LINGO2: variants seen among roughly 807,000 people sequenced by gnomAD.
The protein encoded by LINGO2 is leucine rich repeat and Ig domain containing 2, also known as leucine-rich repeat and immunoglobulin-like domain-containing nogo receptor-interacting protein 2.
In LINGO2, 14 loss-of-function variants were observed where a neutral mutation model predicts 30.6. The ratio of observed to expected loss-of-function variants is 0.46; its 90% CI spans 0.30 to 0.72. LINGO2 has a LOEUF of 0.72. LINGO2 is among the 30% of genes least tolerant of loss of function. The pLI, the probability that LINGO2 is intolerant of heterozygous loss-of-function variation, is 0.07. For missense variants in LINGO2, 729 were observed against 751.7 expected (o/e 0.97, Z 0.35); for synonymous variants, 317 against 288.5 (o/e 1.10, Z -1.00).
At chr9:28,384,329 C>A (rs1283697255) in intron 2 of LINGO2, among the ~76,000 whole-genome samples, 6 of 123,358 alleles carry the variant, frequency 4.9e-5, no homozygotes, top group Non-Finnish European at 1.0e-4. Context: ...ATGTTATGCA[C>A]TATATATATA....
the LINGO2 span, among the ~76,000 whole-genome samples, chr9:29,057,858 A>T: frequency 3.3e-4 from 50 of 152,236 alleles, no homozygotes; most frequent in Middle Eastern, 3.4e-3. Flanking sequence ...ATTAAAATCC[A>T]GGGCATTCGG....
chr9:28,707,759 C>T, the LINGO2 span, among the ~76,000 whole-genome samples: 1 of 151,930 alleles, frequency 6.6e-6, no homozygotes, highest in African/African-American at 2.4e-5. Flanking sequence ...TATTTATTGT[C>T]GGGGTGGTGA....
the LINGO2 span, among the ~76,000 whole-genome samples, chr9:29,071,163 T>C: frequency 8.6e-6 from 1 of 116,656 alleles, no homozygotes; most frequent in Non-Finnish European, 1.7e-5. Flanking sequence ...ATTATTGTAT[T>C]GTATTGTATT....
At chr9:28,788,963 A>AT in the LINGO2 span, among the ~76,000 whole-genome samples, 23 of 152,080 alleles carry the variant, frequency 1.5e-4, no homozygotes, top group South Asian at 2.3e-3. Context: ...GAAGTAAAGT[A>AT]TTTTTTTTCT....
chr9:28,789,494 G>T, the LINGO2 span, among the ~76,000 whole-genome samples: 2 of 152,062 alleles, frequency 1.3e-5, no homozygotes, highest in African/African-American at 4.8e-5. Context: ...TCTATCTCTA[G>T]GAAAGACAGC....
chr9:29,000,696 T>C, the LINGO2 span, among the ~76,000 whole-genome samples: 1 of 151,962 alleles, frequency 6.6e-6, no homozygotes, highest in Non-Finnish European at 1.5e-5. Context: ...GTCACCTTTG[T>C]TTCCCACCAT....
At chr9:28,642,042 C>A (rs1827615769) in intron 1 of LINGO2, among the ~76,000 whole-genome samples, 1 of 149,206 alleles carries the variant, frequency 6.7e-6, no homozygotes, top group South Asian at 2.1e-4. Flanking sequence ...TAAAGCATTT[C>A]CTTACATTTA....
chr9:28,662,595 GTAATA>G (rs1828624613), intron 1 of LINGO2, among the ~76,000 whole-genome samples: 1 of 152,104 alleles, frequency 6.6e-6, no homozygotes, highest in Non-Finnish European at 1.5e-5. Flanking sequence ...ATGTTGGCAT[GTAATA>G]TATTGTTCTT....
intron 1 of LINGO2, among the ~76,000 whole-genome samples, chr9:28,546,685 TG>T (rs1201133746): frequency 6.6e-6 from 1 of 152,054 alleles, no homozygotes; most frequent in Non-Finnish European, 1.5e-5. Context: ...CTAGTTTCTG[TG>T]GCCTGCCTTG....
intron 1 of LINGO2, among the ~76,000 whole-genome samples, chr9:28,591,634 G>A (rs1824918528): frequency 6.6e-6 from 1 of 152,030 alleles, no homozygotes; most frequent in Non-Finnish European, 1.5e-5. Flanking sequence ...TTTTGGAGAA[G>A]GAAGATGTGA....
At chr9:28,924,444 C>T in the LINGO2 span, among the ~76,000 whole-genome samples, 1 of 152,148 alleles carries the variant, frequency 6.6e-6, no homozygotes, top group African/African-American at 2.4e-5. Flanking sequence ...TGGTCTCAAA[C>T]TCCTGGACTC....
intron 2 of LINGO2, among the ~76,000 whole-genome samples, chr9:28,427,719 G>C (rs915604027): frequency 6.6e-6 from 1 of 152,048 alleles, no homozygotes; most frequent in Non-Finnish European, 1.5e-5. Context: ...TGTGGCATAA[G>C]GACAATGTGT....
chr9:28,325,655 T>C (rs1465655300), intron 3 of LINGO2, among the ~76,000 whole-genome samples: 1 of 152,170 alleles, frequency 6.6e-6, no homozygotes, highest in Non-Finnish European at 1.5e-5. Context: ...TCTGTCACCA[T>C]GTAAGATGTG....
chr9:28,341,249 C>A (rs563061670), intron 3 of LINGO2, among the ~76,000 whole-genome samples: 1 of 152,090 alleles, frequency 6.6e-6, no homozygotes, highest in East Asian at 1.9e-4. Flanking sequence ...TTAATATATG[C>A]TGACAACAGT....
intron 1 of LINGO2, among the ~76,000 whole-genome samples, chr9:28,632,822 T>A (rs7466565): frequency 2.0e-5 from 2 of 100,230 alleles, no homozygotes; most frequent in East Asian, 3.6e-4. Flanking sequence ...TCTATATATA[T>A]TATATATTAT....
intron 1 of LINGO2, among the ~76,000 whole-genome samples, chr9:28,568,241 A>G (rs1007036947): frequency 1.3e-5 from 2 of 152,050 alleles, no homozygotes; most frequent in Non-Finnish European, 2.9e-5. Context: ...AACAAATACC[A>G]TATGTTCTCA....
the LINGO2 span, among the ~76,000 whole-genome samples, chr9:28,833,457 T>A: frequency 1.3e-5 from 2 of 152,196 alleles, no homozygotes; most frequent in African/African-American, 2.4e-5. Flanking sequence ...TTGCTAGTCA[T>A]CTTTAGCACT....
At chr9:28,487,190 C>G (rs1826204690) in intron 1 of LINGO2, among the ~76,000 whole-genome samples, 1 of 152,092 alleles carries the variant, frequency 6.6e-6, no homozygotes. Flanking sequence ...TCTTTTCATC[C>G]TCTGTACCTT....
the LINGO2 span, among the ~76,000 whole-genome samples, chr9:29,047,051 A>AAAAAAAAAAAAC: frequency 5.0e-3 from 534 of 106,828 alleles, 43 homozygotes; most frequent in African/African-American, 0.017. Context: ...AAAAAAAAAA[A>AAAAAAAAAAAAC]CCAAAAACAA....
Sources: gnomAD v4.1 joint callset for allele counts (sites outside exome capture counted in the v4.1 genomes callset) on GRCh38, gnomAD v4.1.1 for gene constraint, MANE v1.5 for transcripts, NCBI Gene and HGNC (gene_info 2026-07-23, HGNC 2026-07-21) for gene names.